Variants in DENND1A observed in about 807,000 individuals in gnomAD.
The protein encoded by DENND1A is DENN domain containing 1A.
Under a neutral mutation model 113.7 loss-of-function variants are expected in DENND1A, and 51 were observed. The observed-to-expected ratio is 0.45, with a 90% CI of 0.36 to 0.57. The LOEUF (loss-of-function observed/expected upper bound fraction) is 0.57, where lower values mean the gene tolerates loss of function less well. Among genes scored for constraint, DENND1A ranks in the 20% least tolerant of loss-of-function variants. The pLI is 0.00. For missense variants in DENND1A, 1,258 were observed against 1,395.9 expected (o/e 0.90, Z 1.57); for synonymous variants, 565 against 570.8 (o/e 0.99, Z 0.14).
chr9:123,448,463 C>T (rs572107875), intron 18 of DENND1A, among the ~76,000 whole-genome samples: 2 of 152,276 alleles, frequency 1.3e-5, no homozygotes, highest in South Asian at 4.1e-4. Flanking sequence ...AGGAGGGACC[C>T]CTTTCTTTGC....
At chr9:123,644,585 C>T (rs1165293795) in intron 9 of DENND1A, among the ~76,000 whole-genome samples, 2 of 152,094 alleles carry the variant, frequency 1.3e-5, no homozygotes, top group African/African-American at 2.4e-5. Flanking sequence ...TGACAGTTCC[C>T]GCACAAGGGA....
intron 10 of DENND1A, among the ~76,000 whole-genome samples, chr9:123,619,455 C>T (rs1448006273): frequency 1.3e-5 from 2 of 152,130 alleles, no homozygotes; most frequent in Admixed American, 1.3e-4. Flanking sequence ...GTCTCACTCT[C>T]CTTGACCAGG....
At chr9:123,548,690 A>C (rs1026362243) in intron 13 of DENND1A, among the ~76,000 whole-genome samples, 3 of 152,264 alleles carry the variant, frequency 2.0e-5, no homozygotes, top group African/African-American at 7.2e-5. Context: ...TGAGTGGATA[A>C]ACAAAATATG....
chr9:123,705,334 T>C (rs940124355), intron 5 of DENND1A, among the ~76,000 whole-genome samples: 4 of 152,130 alleles, frequency 2.6e-5, no homozygotes, highest in African/African-American at 9.7e-5. Context: ...CTGAAGATAT[T>C]AAGCAGCACA....
intron 5 of DENND1A, among the ~76,000 whole-genome samples, chr9:123,713,323 T>C (rs2066755706): frequency 6.6e-6 from 1 of 152,134 alleles, no homozygotes; most frequent in Non-Finnish European, 1.5e-5. Flanking sequence ...AAGTAGGGAG[T>C]TAGAGTTCCA....
At chr9:123,717,313 A>C (rs1294959422) in intron 5 of DENND1A, among the ~76,000 whole-genome samples, 1 of 152,228 alleles carries the variant, frequency 6.6e-6, no homozygotes, top group African/African-American at 2.4e-5. Context: ...AATGGGGTCT[A>C]TACCATGGGC....
chr9:123,820,842 T>C (rs1200490290), intron 2 of DENND1A, among the ~76,000 whole-genome samples: 2 of 152,238 alleles, frequency 1.3e-5, no homozygotes, highest in Admixed American at 6.5e-5. Flanking sequence ...AAAAAATCAT[T>C]GGAGCAATAG....
At chr9:123,541,044 A>C (rs1363055680) in intron 13 of DENND1A, among the ~76,000 whole-genome samples, 1 of 152,150 alleles carries the variant, frequency 6.6e-6, no homozygotes, top group Non-Finnish European at 1.5e-5. Flanking sequence ...ACCATCAGAC[A>C]TATTATATGT....
intron 2 of DENND1A, among the ~76,000 whole-genome samples, chr9:123,814,888 T>C (rs1340595677): frequency 6.6e-6 from 1 of 152,230 alleles, no homozygotes; most frequent in African/African-American, 2.4e-5. Flanking sequence ...AGCATCAATA[T>C]TAATAAAATG....
At chr9:123,455,484 C>T (rs945216149) in intron 15 of DENND1A, among the ~76,000 whole-genome samples, 9 of 152,232 alleles carry the variant, frequency 5.9e-5, no homozygotes, top group African/African-American at 9.6e-5. Flanking sequence ...CTAGTCACCA[C>T]GCCCTACTCT....
At chr9:123,469,197 G>C (rs1588682500) in intron 13 of DENND1A, among the ~76,000 whole-genome samples, 1 of 152,216 alleles carries the variant, frequency 6.6e-6, no homozygotes, top group East Asian at 1.9e-4. Flanking sequence ...GGTGGCCGAG[G>C]CATGTCAGAA....
At chr9:123,473,846 G>A (rs1442707099) in intron 13 of DENND1A, among the ~76,000 whole-genome samples, 1 of 152,156 alleles carries the variant, frequency 6.6e-6, no homozygotes, top group Non-Finnish European at 1.5e-5. Context: ...AGGCCTTGGA[G>A]CAACACTGCG....
intron 2 of DENND1A, among the ~76,000 whole-genome samples, chr9:123,821,065 G>T (rs1342553240): frequency 6.6e-6 from 1 of 152,200 alleles, no homozygotes; most frequent in African/African-American, 2.4e-5. Flanking sequence ...AAACCATCTG[G>T]AACTGGCAAC....
At chr9:123,382,989 T>G (rs2042361716) in intron 23 of DENND1A, among the ~76,000 whole-genome samples, 1 of 152,210 alleles carries the variant, frequency 6.6e-6, no homozygotes, top group Non-Finnish European at 1.5e-5. Context: ...CAGGGCCTGG[T>G]AGGAGGCACC....
intron 5 of DENND1A, among the ~76,000 whole-genome samples, chr9:123,702,540 G>C (rs147286734): frequency 2.0e-3 from 297 of 152,188 alleles, no homozygotes; most frequent in African/African-American, 7.1e-3. Context: ...AAGACAAAGA[G>C]AAAATCCTGA....
chr9:123,539,298 C>T (rs2056096361), intron 13 of DENND1A, among the ~76,000 whole-genome samples: 1 of 144,116 alleles, frequency 6.9e-6, no homozygotes, highest in African/African-American at 2.6e-5. Context: ...AAAACTCACA[C>T]AGTGGGAAAT....
At chr9:123,567,207 C>T (rs528577979) in intron 12 of DENND1A, among the ~76,000 whole-genome samples, 1 of 152,298 alleles carries the variant, frequency 6.6e-6, no homozygotes, top group East Asian at 1.9e-4. Flanking sequence ...CCATGTTTCA[C>T]AATGCAATCT....
intron 2 of DENND1A, among the ~76,000 whole-genome samples, chr9:123,872,686 G>GA (rs1242297313): frequency 2.0e-5 from 3 of 151,452 alleles, no homozygotes; most frequent in Non-Finnish European, 2.9e-5. Flanking sequence ...AAGACAAATG[G>GA]AAAAAAACAC....
chr9:123,454,222 C>T (rs2047943154), intron 16 of DENND1A, among the ~76,000 whole-genome samples: 1 of 152,170 alleles, frequency 6.6e-6, no homozygotes, highest in Non-Finnish European at 1.5e-5. Flanking sequence ...CTTCAGGACA[C>T]CTCAATTATA....
Sources: gnomAD v4.1 joint callset for allele counts (sites outside exome capture counted in the v4.1 genomes callset) on GRCh38, gnomAD v4.1.1 for gene constraint, MANE v1.5 for transcripts, NCBI Gene and HGNC (gene_info 2026-07-23, HGNC 2026-07-21) for gene names.